Variants in COL23A1 observed in about 807,000 individuals in gnomAD.
COL23A1 encodes collagen type XXIII alpha 1 chain.
COL23A1 carries 97 observed loss-of-function variants against 99.3 expected under a neutral mutation model. The observed-to-expected ratio is 0.98, with a 90% confidence interval of 0.83 to 1.16. The LOEUF (loss-of-function observed/expected upper bound fraction) is 1.16. COL23A1 is among the 50% of genes most tolerant of loss of function. The pLI, the probability that COL23A1 is intolerant of heterozygous loss-of-function variation, is 0.00. For synonymous variants in COL23A1, 320 were observed against 308.2 expected (o/e 1.04, Z -0.40); for missense variants, 762 against 757.4 (o/e 1.01, Z -0.07).
chr5:178,268,735 C>CGAAAGGGGAAA lies in COL23A1; in HGVS notation c.489_490insTTTCCCCTTTC (p.Glu164PhefsTer149), dbSNP rs761766485. 1 of 1,604,246 alleles carries CGAAAGGGGAAA rather than the reference C, an allele frequency of 6.2e-7. No homozygotes were observed. The highest frequency in any genetic ancestry group is 1.3e-5 in the African/African-American group (1 of 74,980). ...CAGCCTCTGGCATCACTTACCTTTT[C>CGAAAGGGGAAA]CCCTTTCGGGCCTGGAAGTCCCTGG... On this transcript the variant is annotated frameshift_variant, in exon 7 of 29. Transcript: ENST00000390654. LOFTEE classifies it high-confidence loss of function.
intron 25 of COL23A1, among the ~76,000 whole-genome samples, chr5:178,244,471 A>G (rs1478863399): frequency 6.6e-6 from 1 of 152,212 alleles, no homozygotes; most frequent in Non-Finnish European, 1.5e-5. Context: ...TGGCTAAGTG[A>G]CAGTTCAGCG....
At chr5:178,560,607 C>G in intron 2 of COL23A1, 75 bp downstream of exon 2, 1 of 1,377,674 alleles carries the variant, frequency 7.3e-7, no homozygotes, top group Non-Finnish European at 1.0e-6. Flanking sequence ...ACCTTCCGGA[C>G]CATGCTGTTC....
At chr5:178,362,820 C>T (rs1054163581) in intron 2 of COL23A1, among the ~76,000 whole-genome samples, 1 of 152,102 alleles carries the variant, frequency 6.6e-6, no homozygotes, top group African/African-American at 2.4e-5. Flanking sequence ...CCCGATGGCA[C>T]AGCCCAGCCC....
chr5:178,435,130 T>C (rs540764588), intron 2 of COL23A1, among the ~76,000 whole-genome samples: 1 of 152,210 alleles, frequency 6.6e-6, no homozygotes, highest in Non-Finnish European at 1.5e-5. Context: ...GGGGTCACAG[T>C]GAAATTTCTG....
rs1767344199 is a variant in COL23A1, at chr5:178,449,211, C to T, written c.361+111471G>A. 3.9e-5 allele frequency among the ~76,000 whole-genome samples: 6 copies of T among 152,128 alleles called. No individual in the cohort carries two copies. The South Asian group carries it at 1.2e-3, about 32-fold the overall frequency. Reference sequence around the variant, plus strand: ...TCTAAGTTATCTTTGTTATGGCAGCCCAAGTGGACTGAGATGCTATCAGAG... The same window carrying T: ...TCTAAGTTATCTTTGTTATGGCAGCTCAAGTGGACTGAGATGCTATCAGAG... On this transcript the variant is annotated intron_variant, in intron 2 of 28. Transcript: ENST00000390654.
chr5:178,361,078 C>T (rs1251628917), intron 2 of COL23A1, among the ~76,000 whole-genome samples: 1 of 152,210 alleles, frequency 6.6e-6, no homozygotes, highest in African/African-American at 2.4e-5. Flanking sequence ...AGGGTCTTTG[C>T]TGGGTCTCTA....
chr5:178,428,148 G>C lies in COL23A1; in HGVS notation c.362-121229C>G, dbSNP rs1406056993. ...GCCCACATCTATGCTCACTGGCTCA[G>C]ATATCACAGGGAAAAGAGAACGAGG... On this transcript the variant is annotated intron_variant, in intron 2 of 28. Coordinates refer to ENST00000390654, the MANE Select transcript of COL23A1 (RefSeq NM_173465.4). This position sits in a 1 kb window ranked among gnomAD's most constrained non-coding sequence, Gnocchi z 5.0. Among the ~76,000 whole-genome samples, 1 of 152,200 alleles carries C rather than the reference G, an allele frequency of 6.6e-6. No individual in the cohort carries two copies. The highest frequency in any genetic ancestry group is 1.5e-5 in the Non-Finnish European group (1 of 68,048).
chr5:178,373,855 G>T (rs534649552), intron 2 of COL23A1, among the ~76,000 whole-genome samples: 30 of 152,330 alleles, frequency 2.0e-4, no homozygotes, highest in African/African-American at 7.2e-4. Context: ...TGCCGAAGTT[G>T]TCACCAGGCA....
intron 2 of COL23A1, among the ~76,000 whole-genome samples, chr5:178,399,249 G>A (rs1159924256): frequency 6.6e-6 from 1 of 152,220 alleles, no homozygotes; most frequent in Non-Finnish European, 1.5e-5. Context: ...TCACGTGCTG[G>A]GGAGCTGCAG....
At chr5:178,502,987 G>A (rs550964027) in intron 2 of COL23A1, among the ~76,000 whole-genome samples, 3 of 152,346 alleles carry the variant, frequency 2.0e-5, no homozygotes, top group East Asian at 1.9e-4. Flanking sequence ...CACGATGCCA[G>A]TCACAGACGA....
At chr5:178,408,029 C>T (rs1421567203) in intron 2 of COL23A1, among the ~76,000 whole-genome samples, 1 of 152,096 alleles carries the variant, frequency 6.6e-6, no homozygotes, top group East Asian at 1.9e-4. Flanking sequence ...ATTTCTACAC[C>T]AAGAAATATC....
At chr5:178,539,112 T>C (rs982249025) in intron 2 of COL23A1, among the ~76,000 whole-genome samples, 9 of 152,182 alleles carry the variant, frequency 5.9e-5, no homozygotes, top group African/African-American at 2.2e-4. Context: ...ACAGGGTTTC[T>C]GTGTGGGGCA....
intron 2 of COL23A1, among the ~76,000 whole-genome samples, chr5:178,465,375 C>G (rs1561995325): frequency 6.6e-6 from 1 of 152,170 alleles, no homozygotes; most frequent in South Asian, 2.1e-4. Context: ...ACTGGAGATG[C>G]TGGGCTCCTC....
Position 178,589,365 on chromosome 5 carries a change from C to T in COL23A1, c.294+539G>A, listed in dbSNP as rs557452346. On this transcript the variant is annotated intron_variant, in intron 1 of 28. Transcript: ENST00000390654. This position sits in a 1 kb window ranked among gnomAD's most constrained non-coding sequence, Gnocchi z 5.4. ...CCCCATCCCCGAGGCCTCAGTGCGA[C>T]GGTGACCGCTCAGTCTTGGGGCCTG... 6.6e-6 allele frequency among the ~76,000 whole-genome samples: 1 copy of T among 152,082 alleles called. No individual in the cohort carries two copies. The highest frequency in any genetic ancestry group is 2.1e-4 in the South Asian group (1 of 4,824).
At chr5:178,268,086 G>A (rs112430555) in intron 7 of COL23A1, among the ~76,000 whole-genome samples, 102 of 152,302 alleles carry the variant, frequency 6.7e-4, no homozygotes, top group African/African-American at 2.3e-3. Flanking sequence ...CCTGAGCTGC[G>A]GAATCACAGC....
At chr5:178,364,224 C>T (rs564003747) in intron 2 of COL23A1, among the ~76,000 whole-genome samples, 9 of 152,320 alleles carry the variant, frequency 5.9e-5, no homozygotes, top group African/African-American at 1.7e-4. Flanking sequence ...CCTAAGCCCA[C>T]GTCCCTTGTA....
intron 2 of COL23A1, among the ~76,000 whole-genome samples, chr5:178,374,965 T>G (rs569218752): frequency 3.9e-5 from 6 of 152,286 alleles, no homozygotes; most frequent in Admixed American, 6.5e-5. Flanking sequence ...AGAAAAAGTT[T>G]GCACACAAAT....
At chr5:178,407,971 T>C (rs1354770795) in intron 2 of COL23A1, among the ~76,000 whole-genome samples, 1 of 152,146 alleles carries the variant, frequency 6.6e-6, no homozygotes, top group Non-Finnish European at 1.5e-5. Flanking sequence ...GACCTGGGCC[T>C]ACCAATTTAA....
At chr5:178,582,842 C>T (rs2113731880) in intron 1 of COL23A1, among the ~76,000 whole-genome samples, 1 of 152,324 alleles carries the variant, frequency 6.6e-6, no homozygotes, top group African/African-American at 2.4e-5. Flanking sequence ...CCCCAGGAAG[C>T]TGATGAAAGT....
Sources: gnomAD v4.1 joint callset for allele counts (sites outside exome capture counted in the v4.1 genomes callset) on GRCh38, gnomAD v4.1.1 for gene constraint, Gnocchi (gnomAD v3.1) non-coding constraint, MANE v1.5 for transcripts, NCBI Gene and HGNC (gene_info 2026-07-23, HGNC 2026-07-21) for gene names.